The following EXOSC2 variants were observed in gnomAD, a reference collection of about 807,000 sequenced individuals.
EXOSC2 encodes exosome component 2, also known as exosome complex component RRP4.
A neutral mutation model predicts 37.6 loss-of-function variants in EXOSC2; 29 were observed. The ratio of observed to expected loss-of-function variants is 0.77; its 90% CI spans 0.57 to 1.05. The LOEUF (loss-of-function observed/expected upper bound fraction) is 1.05, where lower values mean the gene tolerates loss of function less well. Ranked by LOEUF, EXOSC2 falls within the 50% of genes least tolerant of loss-of-function variation. The pLI is 0.00. For missense variants in EXOSC2, 346 were observed against 365.6 expected, an observed-to-expected ratio of 0.95 and a Z score of 0.44; for synonymous variants, 119 against 131.1, an observed-to-expected ratio of 0.91 and a Z score of 0.63.
At chr9:130,693,774 C>T, upstream of EXOSC2, 1 of 1,597,800 alleles carries the variant, frequency 6.3e-7, no homozygotes, top group Non-Finnish European at 8.6e-7. Context: ...TGCGCCTGCG[C>T]AACTCATTGG....
chr9:130,702,284 G>T lies in EXOSC2; in HGVS notation c.646G>T (p.Ala216Ser). Residue 216 changes from alanine (A) to serine (S), a missense_variant, in exon 7 of 9, where the codon GCA becomes TCA. By Grantham distance (99) the Ala-to-Ser change is moderately conservative (BLOSUM62 1). Transcript: ENST00000372358. ...YPTPEHKEEE[A>S]GGFIANLEPV... ...AACACCTGAGCACAAAGAAGAGGAAGCAGGGGGCTTCATTGCAAACCTGGA... is the reference window on the plus strand; with the variant it reads ...AACACCTGAGCACAAAGAAGAGGAATCAGGGGGCTTCATTGCAAACCTGGA... 6.2e-7 allele frequency: 1 copy of T among 1,614,088 alleles called. No homozygotes were observed. Among genetic ancestry groups the T allele is most frequent in the African/African-American group, 1.3e-5 (1 of 75,054 alleles).
intron 2 of EXOSC2, 105 bp from the exon 3 acceptor site, chr9:130,697,477 C>G: frequency 9.1e-7 from 1 of 1,098,170 alleles, no homozygotes; most frequent in South Asian, 1.3e-5. Context: ...GAATGTGGCG[C>G]CTGTTCCAGG....
intron 8 of EXOSC2, 89 bp downstream of exon 8, chr9:130,703,270 T>C: frequency 7.0e-7 from 1 of 1,437,722 alleles, no homozygotes; most frequent in Non-Finnish European, 9.4e-7. Flanking sequence ...TCCCCAATAC[T>C]TTCCCAACAT....
rs1384907611 is a variant in EXOSC2 at position 130,697,715 on chromosome 9, G to A, written c.270+88G>A. ...ACAGTCATTCCACTTGTAGTTACAT[G>A]AAAAAGGCATTCATTGCATTTGGCC... On this transcript the variant is annotated intron_variant, in intron 3 of 8. Transcript: ENST00000372358. 3.2e-6 allele frequency: 4 copies of A among 1,260,074 alleles called. No homozygotes were observed. In the East Asian group the frequency reaches 9.3e-5, roughly 29 times the overall value. 78.1% of individuals were successfully genotyped at this position (1,260,074 alleles called of 1,614,324 possible). A position where few individuals can be genotyped will look rare whatever the true frequency, so the allele number is the denominator to read the frequency against.
Position 130,697,084 on chromosome 9 carries a change from G to A in EXOSC2, c.225-498G>A, listed in dbSNP as rs148829204. Among the ~76,000 whole-genome samples the A allele has an allele frequency of 7.9e-3, 1,204 of 152,264 alleles. 4 individuals are homozygous for A. The highest frequency in any genetic ancestry group is 0.012 in the Non-Finnish European group (837 of 68,016). On this transcript the variant is annotated intron_variant, in intron 2 of 8. Transcript: ENST00000372358. ...TTTAAAGGTATTAGATTGAGTGGCC[G>A]AAAAGTGAAGAGGTCTAAGGACTTA...
At chr9:130,701,842 C>T (rs1367049636) in intron 6 of EXOSC2, 6 of 1,145,222 alleles carry the variant, frequency 5.2e-6, no homozygotes, top group Non-Finnish European at 6.5e-6. Context: ...TCATTGGCTT[C>T]AGCTTCTCTA....
Position 130,694,467 on chromosome 9 carries a change from TAGC to T in EXOSC2, c.122+555_122+557del, listed in dbSNP as rs1048580427. On this transcript the variant is annotated intron_variant, in intron 1 of 8. Coordinates refer to ENST00000372358, the MANE Select transcript of EXOSC2 (RefSeq NM_014285.7). This position sits in a 1 kb window ranked among gnomAD's most constrained non-coding sequence, Gnocchi z 4.0. ...CGGTCCTGCTACCATCACATCTTAT[TAGC>T]GGCATTGCCTCTCCACGGTCAGTTT... Among the ~76,000 whole-genome samples, 12 of 152,168 alleles carry T rather than the reference TAGC, an allele frequency of 7.9e-5. No individual in the cohort carries two copies. Among genetic ancestry groups the T allele is most frequent in the African/African-American group, 2.9e-4 (12 of 41,448 alleles).
In EXOSC2 at chr9:130,699,383, G is replaced by A. The variant is rs756865286; in HGVS notation, c.415G>A (p.Asp139Asn). Residue 139 changes from aspartate to asparagine, a missense_variant, in exon 5 of 9, where the codon GAC (aspartate) becomes AAC (asparagine). Transcript: ENST00000372358. ...AATGAGAGGTTTCTTACAGGAAGGG[G>A]ACCTTATCAGTGTATCCTGCGCTTT... Reference protein sequence around the residue: ...LAMRGFLQEGDLISAEVQAVF... With the variant: ...LAMRGFLQEGNLISAEVQAVF... 1 of 1,614,170 alleles carries A rather than the reference G, an allele frequency of 6.2e-7. No homozygotes were observed. The highest frequency in any genetic ancestry group is 1.7e-5 in the Admixed American group (1 of 60,016).
chr9:130,700,923 G>T lies in EXOSC2; in HGVS notation c.483G>T (p.Leu161=), dbSNP rs1234328227. The T allele has an allele frequency of 9.3e-6, 15 of 1,614,062 alleles. No individual in the cohort carries two copies. The highest frequency in any genetic ancestry group is 1.3e-5 in the Non-Finnish European group (15 of 1,179,990). The change falls in exon 6 of 9, where the codon CTG becomes CTT. Residue 161 remains leucine (L), a synonymous_variant. Transcript: ENST00000372358. ...CTGTCTCTTTGCACACGAGGAGCCT[G>T]AAATATGGAAAAGTAAGTCGGGCTC... is the stretch of plus-strand genomic sequence containing the variant. ...DGAVSLHTRS[L]KYGKLGQGVL... is the part of the protein sequence containing the mutation.
chr9:130,700,094 C>T (rs1256497963), intron 5 of EXOSC2, among the ~76,000 whole-genome samples: 5 of 152,022 alleles, frequency 3.3e-5, no homozygotes, highest in Non-Finnish European at 7.4e-5. Flanking sequence ...GGCGCGATCT[C>T]GGCTCACTGC....
chr9:130,695,634 G>C (rs1232077750), intron 2 of EXOSC2, 41 bp downstream of exon 2: 1 of 1,584,492 alleles, frequency 6.3e-7, no homozygotes, highest in East Asian at 2.2e-5. Flanking sequence ...TGCAGCATCA[G>C]GTTGTACAAC....
intron 5 of EXOSC2, among the ~76,000 whole-genome samples, chr9:130,700,452 C>A (rs891300585): frequency 1.3e-5 from 2 of 151,360 alleles, no homozygotes. Flanking sequence ...CTCTGCCTCC[C>A]GGGTTCAAGC....
chr9:130,696,548 G>A (rs1831101184), intron 2 of EXOSC2, among the ~76,000 whole-genome samples: 2 of 152,150 alleles, frequency 1.3e-5, no homozygotes, highest in South Asian at 4.1e-4. Context: ...TTCAACTAAG[G>A]TGGGAGCAGT....
At chr9:130,700,998 C>A in intron 6 of EXOSC2, 63 bp downstream of exon 6, 2 of 1,534,246 alleles carry the variant, frequency 1.3e-6, no homozygotes, top group South Asian at 1.1e-5. Context: ...TTTGAATCCC[C>A]ATAGCTCTCT....
At chr9:130,701,865 T>TGA (rs1179730980) in intron 6 of EXOSC2, 4 of 1,200,370 alleles carry the variant, frequency 3.3e-6, no homozygotes, top group Non-Finnish European at 4.2e-6. Flanking sequence ...GTCTGGCACA[T>TGA]GAGTTCTGGC....
rs559180028 is a variant in EXOSC2 at position 130,694,864 on chromosome 9, A to G, written c.123-628A>G. Among the ~76,000 whole-genome samples the G allele has an allele frequency of 6.7e-6, 1 of 148,284 alleles. No individual in the cohort carries two copies. Among genetic ancestry groups the G allele is most frequent in the South Asian group, 2.1e-4 (1 of 4,718 alleles). ...ATTACAGGTGCACGCCACCATGCCT[A>G]GCTAATTTTTGGTTTTTTTTTTTTT... On this transcript the variant is annotated intron_variant, in intron 1 of 8. Coordinates refer to ENST00000372358, the MANE Select transcript of EXOSC2 (RefSeq NM_014285.7). This position sits in a 1 kb window ranked among gnomAD's most constrained non-coding sequence, Gnocchi z 4.0.
In EXOSC2 at chr9:130,700,916, G is replaced by A; in HGVS notation, c.476G>A (p.Arg159Lys). Residue 159 changes from arginine to lysine, a missense_variant, in exon 6 of 9, where the codon AGG becomes AAG. Coordinates refer to ENST00000372358, the MANE Select transcript of EXOSC2 (RefSeq NM_014285.7). The part of the protein sequence containing the change: ...FSDGAVSLHT[R>K]SLKYGKLGQG... ...GACGGAGCTGTCTCTTTGCACACGAGGAGCCTGAAATATGGAAAAGTAAGT... is the reference window on the plus strand; with the variant it reads ...GACGGAGCTGTCTCTTTGCACACGAAGAGCCTGAAATATGGAAAAGTAAGT... The A allele has an allele frequency of 6.2e-7, 1 of 1,614,016 alleles. No individual in the cohort carries two copies. Among genetic ancestry groups the A allele is most frequent in the Non-Finnish European group, 8.5e-7 (1 of 1,179,976 alleles).
Position 130,695,472 on chromosome 9 carries a change from G to A in EXOSC2, c.123-20G>A, listed in dbSNP as rs570396756. The A allele has an allele frequency of 6.2e-7, 1 of 1,600,536 alleles. No homozygotes were observed. The highest frequency in any genetic ancestry group is 1.1e-5 in the South Asian group (1 of 90,780). The stretch of plus-strand genomic sequence containing the variant: ...CGAGTTACCCTCGTATCCTTTCTTT[G>A]TATCTTCGCCTTGCATCAGGGGCCA... On this transcript the variant is annotated intron_variant, in intron 1 of 8. Transcript: ENST00000372358.
At chr9:130,701,404 T>C in intron 6 of EXOSC2, 1 of 160,836 alleles carries the variant, frequency 6.2e-6, no homozygotes, top group Non-Finnish European at 1.3e-5. Context: ...CTGCTTTTCT[T>C]GTACGAGGTT....
Sources: allele counts gnomAD v4.1 joint callset (sites outside exome capture counted in the v4.1 genomes callset), GRCh38; gene constraint gnomAD v4.1.1; non-coding constraint Gnocchi (gnomAD v3.1); transcripts MANE v1.5; gene names NCBI Gene and HGNC (gene_info 2026-07-23, HGNC 2026-07-21).